The following PDCD1LG2 variants were observed in gnomAD, a reference collection of about 807,000 sequenced individuals.
PDCD1LG2 encodes the protein B7 dendritic cell molecule.
A neutral mutation model predicts 28.2 loss-of-function variants in PDCD1LG2; 32 were observed. The ratio of observed to expected loss-of-function variants is 1.13; its 90% CI spans 0.86 to 1.52. PDCD1LG2 has a LOEUF of 1.52. Ranked by LOEUF, PDCD1LG2 falls within the 40% of genes most tolerant of loss-of-function variation. The pLI is 0.00. For missense variants in PDCD1LG2, 385 were observed against 323.8 expected, an observed-to-expected ratio of 1.19 and a Z score of -1.45; for synonymous variants, 116 against 120.2, an observed-to-expected ratio of 0.97 and a Z score of 0.23.
chr9:5,560,637 T>C (rs1190044220), intron 5 of PDCD1LG2, among the ~76,000 whole-genome samples: 1 of 150,858 alleles, frequency 6.6e-6, no homozygotes, highest in Non-Finnish European at 1.5e-5. Context: ...ATGTTGAGCC[T>C]GGGACGCCAG....
chr9:5,516,645 C>T (rs1820170491), intron 1 of PDCD1LG2, among the ~76,000 whole-genome samples: 1 of 152,216 alleles, frequency 6.6e-6, no homozygotes, highest in Admixed American at 6.5e-5. Flanking sequence ...CCTGAGCCAC[C>T]CTCAGCCCCT....
chr9:5,513,971 G>T (rs1820108726), intron 1 of PDCD1LG2, among the ~76,000 whole-genome samples: 1 of 152,208 alleles, frequency 6.6e-6, no homozygotes, highest in Non-Finnish European at 1.5e-5. Context: ...AGGTATTTCA[G>T]ATCAATTGGG....
intron 2 of PDCD1LG2, among the ~76,000 whole-genome samples, chr9:5,529,946 G>A (rs920237141): frequency 1.3e-5 from 2 of 152,170 alleles, no homozygotes; most frequent in Non-Finnish European, 2.9e-5. Context: ...GAACTTCAGA[G>A]TTTTCTGAAG....
At chr9:5,555,394 G>A (rs1816418127) in intron 4 of PDCD1LG2, among the ~76,000 whole-genome samples, 1 of 152,090 alleles carries the variant, frequency 6.6e-6, no homozygotes, top group South Asian at 2.1e-4. Flanking sequence ...TCCAGCCTGG[G>A]CAACAAGAGG....
intron 1 of PDCD1LG2, among the ~76,000 whole-genome samples, chr9:5,515,925 A>C (rs868611138): frequency 1.0e-5 from 1 of 97,968 alleles, no homozygotes; most frequent in East Asian, 5.7e-4. Flanking sequence ...TCCATCTCAA[A>C]AAAAAAAAAA....
intron 2 of PDCD1LG2, among the ~76,000 whole-genome samples, chr9:5,529,490 T>C (rs1478778125): frequency 6.6e-6 from 1 of 152,252 alleles, no homozygotes; most frequent in Non-Finnish European, 1.5e-5. Flanking sequence ...CTGGACTTTT[T>C]GTTCCATTAA....
At chr9:5,545,363 C>T (rs1015419800) in intron 3 of PDCD1LG2, among the ~76,000 whole-genome samples, 10 of 152,210 alleles carry the variant, frequency 6.6e-5, no homozygotes, top group Non-Finnish European at 1.5e-4. Flanking sequence ...TACAAAGAGG[C>T]ACAATTTTGC....
intron 2 of PDCD1LG2, among the ~76,000 whole-genome samples, chr9:5,525,465 C>A (rs559214892): frequency 3.3e-5 from 5 of 151,030 alleles, no homozygotes; most frequent in African/African-American, 1.2e-4. Context: ...AGAACTTCAA[C>A]TGGAGAATGG....
In PDCD1LG2 at chr9:5,557,722, C is replaced by T. The variant is rs1337016733; in HGVS notation, c.736C>T (p.Gln246Ter). 1.9e-6 allele frequency: 3 copies of T among 1,613,942 alleles called. No individual in the cohort carries two copies. Among genetic ancestry groups the T allele is most frequent in the Non-Finnish European group, 8.5e-7 (1 of 1,179,834 alleles). ...FIATVIALRKQLCQKLYSSKD... is the reference protein window; with the variant it reads ...FIATVIALRK Reference sequence around the variant, plus strand: ...AGCCACAGTGATAGCCCTAAGAAAACAACTCTGTCAAAAGCTGTATTCTTC... The same window carrying T: ...AGCCACAGTGATAGCCCTAAGAAAATAACTCTGTCAAAAGCTGTATTCTTC... The change falls in exon 5 of 7, where the codon CAA (glutamine) becomes TAA (stop). Residue 246 changes from glutamine (Q) to a stop codon, truncating the protein, a stop_gained. Transcript: ENST00000397747. LOFTEE classifies it high-confidence loss of function.
intron 6 of PDCD1LG2, 57 bp downstream of exon 6, chr9:5,563,268 A>T (rs1194587849): frequency 1.8e-5 from 25 of 1,411,240 alleles, no homozygotes; most frequent in Non-Finnish European, 2.5e-5. Context: ...CTCAGCTTGA[A>T]TTTTAAAGTA....
At position 5,557,640 on chromosome 9, in the gene PDCD1LG2, T is replaced by C. The variant is rs759551466; in HGVS notation, c.654T>C (p.His218=). Residue 218 remains histidine (H), a synonymous_variant, in exon 5 of 7, where the codon CAT becomes CAC. Coordinates refer to ENST00000397747, the MANE Select transcript of PDCD1LG2 (RefSeq NM_025239.4). ...DLQSQMEPRT[H]PTWLLHIFIP... ...CAGGTCAGATGGAACCCAGGACCCA[T>C]CCAACTTGGCTGCTTCACATTTTCA... The C allele has an allele frequency of 3.7e-6, 6 of 1,614,046 alleles. No individual in the cohort carries two copies. The highest frequency in any genetic ancestry group is 5.1e-6 in the Non-Finnish European group (6 of 1,179,904).
In PDCD1LG2 at chr9:5,534,967, A is replaced by C; in HGVS notation, c.278A>C (p.Gln93Pro). 6.2e-7 allele frequency: 1 copy of C among 1,614,178 alleles called. No homozygotes were observed. The highest frequency in any genetic ancestry group is 2.2e-5 in the East Asian group (1 of 44,886). ...GCCTCGTTCCACATACCTCAAGTCC[A>C]AGTGAGGGACGAAGGACAGTACCAA... ...GKASFHIPQVQVRDEGQYQCI... is the reference protein window; with the variant it reads ...GKASFHIPQVPVRDEGQYQCI... Residue 93 changes from glutamine to proline, a missense_variant, in exon 3 of 7, where the codon CAA becomes CCA. Physicochemically the swap from Gln to Pro is moderately conservative, Grantham distance 76. Coordinates refer to ENST00000397747, the MANE Select transcript of PDCD1LG2 (RefSeq NM_025239.4).
chr9:5,516,653 C>G (rs1308960287), intron 1 of PDCD1LG2, among the ~76,000 whole-genome samples: 2 of 152,202 alleles, frequency 1.3e-5, no homozygotes, highest in Non-Finnish European at 2.9e-5. Flanking sequence ...ACCCTCAGCC[C>G]CTGCTCAGCC....
chr9:5,526,865 G>A (rs527397649), intron 2 of PDCD1LG2, among the ~76,000 whole-genome samples: 1 of 152,176 alleles, frequency 6.6e-6, no homozygotes, highest in East Asian at 1.9e-4. Context: ...TTTTTAAGGA[G>A]ATTTATATAT....
intron 3 of PDCD1LG2, among the ~76,000 whole-genome samples, chr9:5,535,885 G>A (rs969355413): frequency 5.3e-5 from 8 of 152,158 alleles, no homozygotes; most frequent in Non-Finnish European, 8.8e-5. Flanking sequence ...AAGGTGATTT[G>A]AGGAAAGACA....
At chr9:5,532,793 A>T (rs1233083949) in intron 2 of PDCD1LG2, among the ~76,000 whole-genome samples, 2 of 152,216 alleles carry the variant, frequency 1.3e-5, no homozygotes, top group Non-Finnish European at 2.9e-5. Context: ...CTTTCCCAAG[A>T]ATTAAAACAT....
In PDCD1LG2 at chr9:5,518,989, G is replaced by A. The variant is rs114205931; in HGVS notation, c.-14-3544G>A. 7.7e-3 allele frequency among the ~76,000 whole-genome samples: 1,172 copies of A among 152,204 alleles called. 18 individuals are homozygous for A. The highest frequency in any genetic ancestry group is 0.027 in the African/African-American group (1,119 of 41,492). On this transcript the variant is annotated intron_variant, in intron 1 of 6. Transcript: ENST00000397747. ...GCCAATATATCAGGAAATGACTGTC[G>A]TTGAAAAAAGTATGTTGTACTCACA...
At chr9:5,535,936 T>G (rs190010438) in intron 3 of PDCD1LG2, among the ~76,000 whole-genome samples, 1 of 152,356 alleles carries the variant, frequency 6.6e-6, no homozygotes, top group African/African-American at 2.4e-5. Flanking sequence ...GTTCATTGGC[T>G]TATGGTCTCC....
At position 5,534,915 on chromosome 9, in the gene PDCD1LG2, C is replaced by T. The variant is rs761048537; in HGVS notation, c.226C>T (p.Leu76=). Residue 76 remains leucine (L), a synonymous_variant, in exon 3 of 7, where the codon CTG becomes TTG. Transcript: ENST00000397747. The part of the protein sequence containing the change: ...TSPHRERATL[L]EEQLPLGKAS... Reference sequence around the variant, plus strand: ...CCCACACCGTGAAAGAGCCACTTTGCTGGAGGAGCAGCTGCCCCTAGGGAA... The same window carrying T: ...CCCACACCGTGAAAGAGCCACTTTGTTGGAGGAGCAGCTGCCCCTAGGGAA... The T allele has an allele frequency of 6.2e-7, 1 of 1,614,168 alleles. No individual in the cohort carries two copies. The highest frequency in any genetic ancestry group is 8.5e-7 in the Non-Finnish European group (1 of 1,180,020).
Sources: allele counts gnomAD v4.1 joint callset (sites outside exome capture counted in the v4.1 genomes callset), GRCh38; gene constraint gnomAD v4.1.1; transcripts MANE v1.5; gene names NCBI Gene and HGNC (gene_info 2026-07-23, HGNC 2026-07-21).